KCNH2: variants seen among roughly 807,000 people sequenced by gnomAD.
The protein encoded by KCNH2 is voltage-gated inwardly rectifying potassium channel KCNH2.
KCNH2 carries 35 observed loss-of-function variants against 95.9 expected under a neutral mutation model. The observed-to-expected ratio is 0.37, with a 90% CI of 0.28 to 0.48. KCNH2 has a LOEUF of 0.48. Among genes scored for constraint, KCNH2 ranks in the 20% least tolerant of loss-of-function variants. KCNH2 has a pLI of 0.99. For synonymous variants in KCNH2, 786 were observed against 754.7 expected, an observed-to-expected ratio of 1.04 and a Z score of -0.68; for missense variants, 1,274 against 1,702.9, an observed-to-expected ratio of 0.75 and a Z score of 4.43.
chr7:150,951,701 T>C lies in KCNH2; in HGVS notation c.1692A>G (p.Leu564=), dbSNP rs1805121. The part of the protein sequence containing the change: ...MCTFALIAHW[L]ACIWYAIGNM... Reference sequence around the variant, plus strand: ...TGCCGATGGCGTACCAGATGCAGGCTAGCCAGTGCGCGATGAGCGCAAAGG... The same window carrying C: ...TGCCGATGGCGTACCAGATGCAGGCCAGCCAGTGCGCGATGAGCGCAAAGG... The change falls in exon 7 of 15, where the codon CTA becomes CTG. Residue 564 remains leucine (L), a synonymous_variant. Transcript: ENST00000262186. 0.42 allele frequency: 679,252 copies of C among 1,613,944 alleles called. 154,773 individuals are homozygous for C. Among genetic ancestry groups the C allele is most frequent in the East Asian group, 0.89 (40,023 of 44,872 alleles).
chr7:150,970,175 T>C (rs1801802631), intron 2 of KCNH2, among the ~76,000 whole-genome samples: 1 of 151,914 alleles, frequency 6.6e-6, no homozygotes, highest in African/African-American at 2.4e-5. Flanking sequence ...TTCAGGGAAA[T>C]ACCAACATGT....
intron 13 of KCNH2, 84 bp downstream of exon 13, chr7:150,947,244 G>A (rs1385783279): frequency 8.0e-7 from 1 of 1,244,290 alleles, no homozygotes; most frequent in Non-Finnish European, 1.1e-6. Context: ...ACACAGACAG[G>A]CCCTCTCCCT....
intron 8 of KCNH2, 46 bp downstream of exon 8, chr7:150,950,875 A>G: frequency 6.3e-7 from 1 of 1,591,440 alleles, no homozygotes; most frequent in African/African-American, 1.3e-5. Flanking sequence ...CTGCCACCCC[A>G]CTCTTCCCAG....
rs1800859742 is a variant in KCNH2 at position 150,945,526 on chromosome 7, A to G, written c.3331-12T>C. The G allele has an allele frequency of 2.6e-6, 4 of 1,557,016 alleles. No homozygotes were observed. Among genetic ancestry groups the G allele is most frequent in the Non-Finnish European group, 3.5e-6 (4 of 1,150,456 alleles). On this transcript the variant is annotated splice_polypyrimidine_tract_variant and intron_variant, in intron 14 of 14. Transcript: ENST00000262186. The surrounding 1 kb of genome is among the most constrained non-coding windows in gnomAD (Gnocchi z 5.6). ...ATGAACTGGGAAACCTGCAATACAC[A>G]CAGAGCATGGGCAGGCGAAGAGGCC...
chr7:150,974,965 C>A (rs1239610211), intron 1 of KCNH2, 24 bp from the exon 2 acceptor site: 20 of 1,557,736 alleles, frequency 1.3e-5, no homozygotes, highest in Middle Eastern at 1.7e-4. Flanking sequence ...GAGGAGAGTG[C>A]GCGTGAGCGG....
At chr7:150,959,095 C>T (rs1363627404) in intron 3 of KCNH2, among the ~76,000 whole-genome samples, 1 of 152,206 alleles carries the variant, frequency 6.6e-6, no homozygotes, top group East Asian at 1.9e-4. Context: ...TCCCTCAAAG[C>T]CTCTCCTCAG....
rs1252364506 is a variant in KCNH2, at chr7:150,977,929, G to C, written c.-16C>G. On this transcript the variant is annotated 5_prime_UTR_variant, in exon 1 of 15. Coordinates refer to ENST00000262186, the MANE Select transcript of KCNH2 (RefSeq NM_000238.4). ...GCACCGGCATCCTGAGCCCATGGGC[G>C]GGCCGGGCGGGCCCCCACCCACCCC... 3.2e-6 allele frequency: 5 copies of C among 1,576,596 alleles called. No individual in the cohort carries two copies. Among genetic ancestry groups the C allele is most frequent in the Non-Finnish European group, 4.3e-6 (5 of 1,162,944 alleles).
At position 150,974,898 on chromosome 7, in the gene KCNH2, G is replaced by A. The variant is rs146715185; in HGVS notation, c.120C>T (p.Ala40=). 83 of 1,611,184 alleles carry A rather than the reference G, an allele frequency of 5.2e-5. No homozygotes were observed. The highest frequency in any genetic ancestry group is 7.0e-5 in the Non-Finnish European group (83 of 1,179,234). The change falls in exon 2 of 15, where the codon GCC becomes GCT. Residue 40 remains alanine, a synonymous_variant. Coordinates refer to ENST00000262186, the MANE Select transcript of KCNH2 (RefSeq NM_000238.4). ...IIANARVENC[A]VIYCNDGFCE... Reference sequence around the variant, plus strand: ...AGAAGCCGTCGTTGCAGTAGATGACGGCGCAGTTCTCCACCCGAGCGTTGG... The same window carrying A: ...AGAAGCCGTCGTTGCAGTAGATGACAGCGCAGTTCTCCACCCGAGCGTTGG...
intron 9 of KCNH2, chr7:150,949,451 T>C: frequency 1.3e-6 from 1 of 761,594 alleles, no homozygotes; most frequent in East Asian, 8.0e-5. Flanking sequence ...GAACATACAG[T>C]AGTATAGCTT....
At chr7:150,970,308 C>T (rs921202498) in intron 2 of KCNH2, among the ~76,000 whole-genome samples, 5 of 152,074 alleles carry the variant, frequency 3.3e-5, no homozygotes, top group Admixed American at 6.5e-5. Context: ...CATGGCCCCC[C>T]TCCCCAGAGC....
chr7:150,970,229 C>A (rs1801803914), intron 2 of KCNH2, among the ~76,000 whole-genome samples: 1 of 151,918 alleles, frequency 6.6e-6, no homozygotes, highest in Admixed American at 6.6e-5. Context: ...ACCCAGGAAG[C>A]CACCTCTGGG....
At chr7:150,963,516 G>T (rs1300152271) in intron 2 of KCNH2, among the ~76,000 whole-genome samples, 3 of 152,134 alleles carry the variant, frequency 2.0e-5, no homozygotes, top group African/African-American at 7.2e-5. Context: ...GCAATGAGAG[G>T]CCCCAGGGCC....
At position 150,955,799 on chromosome 7, in the gene KCNH2, G is replaced by T. The variant is rs1026365138; in HGVS notation, c.1128+1492C>A. On this transcript the variant is annotated intron_variant, in intron 5 of 14. Coordinates refer to ENST00000262186, the MANE Select transcript of KCNH2 (RefSeq NM_000238.4). ...CCCGCCCGCCAGCCCAGCAGCGGCC[G>T]CACTCGGAACCTCAGCTCCTCCAGC... is the stretch of plus-strand genomic sequence containing the variant. 2.6e-6 allele frequency: 3 copies of T among 1,162,772 alleles called. No individual in the cohort carries two copies. In the South Asian group the frequency reaches 1.2e-4, roughly 45 times the overall value. 72.0% of individuals were successfully genotyped at this position (1,162,772 alleles called of 1,614,324 possible).
rs1563144057 is a variant in KCNH2 at position 150,946,847 on chromosome 7, G to T, written c.3330+30C>A. On this transcript the variant is annotated intron_variant, in intron 14 of 14. Coordinates refer to ENST00000262186, the MANE Select transcript of KCNH2 (RefSeq NM_000238.4). This position sits in a 1 kb window ranked among gnomAD's most constrained non-coding sequence, Gnocchi z 6.5. ...GGAATCGGGGAACAAGCGGGTCACG[G>T]TACATCGAGGAAGCAGGGCTGGAGC... 21 of 1,585,880 alleles carry T rather than the reference G, an allele frequency of 1.3e-5. No individual in the cohort carries two copies. The highest frequency in any genetic ancestry group is 1.8e-5 in the Non-Finnish European group (21 of 1,161,350).
At chr7:150,959,847 G>GT in intron 2 of KCNH2, 111 bp from the exon 3 acceptor site, 1 of 1,204,086 alleles carries the variant, frequency 8.3e-7, no homozygotes, top group Non-Finnish European at 1.2e-6. Context: ...CTGCCTCCCC[G>GT]TATGGCCCTT....
At chr7:150,950,730 A>T in intron 8 of KCNH2, among the ~76,000 whole-genome samples, 191 bp downstream of exon 8, 1 of 152,156 alleles carries the variant, frequency 6.6e-6, no homozygotes, top group East Asian at 1.9e-4. Flanking sequence ...TCCCACCCCA[A>T]AAGGGGAGCT....
At chr7:150,974,379 C>T (rs1407375154) in intron 2 of KCNH2, among the ~76,000 whole-genome samples, 1 of 152,234 alleles carries the variant, frequency 6.6e-6, no homozygotes, top group African/African-American at 2.4e-5. Flanking sequence ...CCTGCCATCC[C>T]AGCTCGGTCT....
Position 150,950,481 on chromosome 7 carries a change from T to C in KCNH2, c.2146-61A>G, listed in dbSNP as rs4725983. 1,002,021 of 1,584,320 alleles carry C rather than the reference T, an allele frequency of 0.63. 321,148 individuals carry two copies. The highest frequency in any genetic ancestry group is 0.9 in the East Asian group (40,253 of 44,522). On this transcript the variant is annotated intron_variant, in intron 8 of 14. Transcript: ENST00000262186. ...CCTTGGGACCCCCCAACCCACACTC[T>C]ACTCCACCATCCCACCCCTCCATGT...
At chr7:150,955,969 C>A (rs751293100) in intron 5 of KCNH2, 2 of 429,616 alleles carry the variant, frequency 4.7e-6, no homozygotes, top group East Asian at 1.5e-4. Flanking sequence ...CCTCCCCCTC[C>A]GCCAGCAGCC....
Sources: gnomAD v4.1 joint callset for allele counts (sites outside exome capture counted in the v4.1 genomes callset) on GRCh38, gnomAD v4.1.1 for gene constraint, Gnocchi (gnomAD v3.1) non-coding constraint, MANE v1.5 for transcripts, NCBI Gene and HGNC (gene_info 2026-07-23, HGNC 2026-07-21) for gene names.